Variants in ZNF536 observed in about 807,000 individuals in gnomAD.
The protein encoded by ZNF536 is zinc finger protein 536.
In ZNF536, 13 loss-of-function variants were observed where a neutral mutation model predicts 84.5. That is an observed-to-expected ratio of 0.15 (90% CI 0.10 to 0.24). The LOEUF is 0.24. Among genes scored for constraint, ZNF536 ranks in the 10% least tolerant of loss-of-function variants. The pLI, the probability that ZNF536 is intolerant of heterozygous loss-of-function variation, is 1.00. For synonymous variants in ZNF536, 811 were observed against 742.5 expected (o/e 1.09, Z -1.50); for missense variants, 1,536 against 1,747.5 (o/e 0.88, Z 2.16).
intron 1 of ZNF536, among the ~76,000 whole-genome samples, chr19:30,663,299 G>T (rs988190969): frequency 1.3e-5 from 2 of 152,088 alleles, no homozygotes; most frequent in African/African-American, 4.8e-5. Flanking sequence ...TCTTTGAACT[G>T]ACCATGAATA....
intron 1 of ZNF536, among the ~76,000 whole-genome samples, chr19:30,636,294 GA>G (rs1802429363): frequency 6.6e-6 from 1 of 152,196 alleles, no homozygotes; most frequent in African/African-American, 2.4e-5. Flanking sequence ...CCTATCTGCT[GA>G]TTCCAGGATG....
intron 1 of ZNF536, among the ~76,000 whole-genome samples, chr19:30,653,714 A>G (rs2049798595): frequency 6.6e-6 from 1 of 151,770 alleles, no homozygotes; most frequent in South Asian, 2.1e-4. Flanking sequence ...GTGATGGAAG[A>G]GAGGTGGGAG....
At chr19:30,640,114 G>A (rs2049214916) in intron 1 of ZNF536, among the ~76,000 whole-genome samples, 1 of 152,120 alleles carries the variant, frequency 6.6e-6, no homozygotes, top group Non-Finnish European at 1.5e-5. Flanking sequence ...GGGCGTGGTG[G>A]CACGTGCCTG....
intron 2 of ZNF536, among the ~76,000 whole-genome samples, chr19:30,285,387 G>T (rs1282162677): frequency 1.3e-5 from 2 of 152,158 alleles, no homozygotes; most frequent in African/African-American, 4.8e-5. Flanking sequence ...CCATCCCAGT[G>T]ATCTGTCAGA....
chr19:30,323,359 G>A (rs778480058), intron 2 of ZNF536, among the ~76,000 whole-genome samples: 13 of 152,174 alleles, frequency 8.5e-5, no homozygotes, highest in Non-Finnish European at 1.3e-4. Flanking sequence ...CCAGTCCAGC[G>A]ACATCTCCTA....
At chr19:30,272,997 C>T (rs1380367645) in intron 1 of ZNF536, among the ~76,000 whole-genome samples, 5 of 152,142 alleles carry the variant, frequency 3.3e-5, no homozygotes, top group South Asian at 2.1e-4. Context: ...ACTTCAGCCT[C>T]GACCTCCCAG....
At position 30,600,950 on chromosome 19, in the gene ZNF536, T is replaced by G. The variant is rs563590235; in HGVS notation, c.169+51436T>G. Among the ~76,000 whole-genome samples the G allele has an allele frequency of 4.6e-5, 7 of 152,342 alleles. No individual in the cohort carries two copies. The South Asian group carries it at 1.2e-3, about 27-fold the overall frequency. ...TTTTATTCGTTGTTTTTGTTGTTAA[T>G]TGAGCAACTACTTTCTGATTTTTAC... is the stretch of plus-strand genomic sequence containing the variant. On this transcript the variant is annotated intron_variant, in intron 1 of 1. Coordinates refer to the ZNF536 transcript ENST00000592773.
At chr19:30,366,217 G>A (rs1391041951) in intron 3 of ZNF536, among the ~76,000 whole-genome samples, 1 of 152,158 alleles carries the variant, frequency 6.6e-6, no homozygotes, top group Non-Finnish European at 1.5e-5. Context: ...CGGCTGCTGG[G>A]CAATGCTTTC....
At chr19:30,576,573 G>A (rs1041246510) in intron 1 of ZNF536, among the ~76,000 whole-genome samples, 3 of 152,172 alleles carry the variant, frequency 2.0e-5, no homozygotes, top group Admixed American at 6.5e-5. Flanking sequence ...CGCTAGTGGC[G>A]CTCATGTCTG....
chr19:30,329,002 C>T (rs2047124280), intron 2 of ZNF536, among the ~76,000 whole-genome samples: 1 of 152,232 alleles, frequency 6.6e-6, no homozygotes, highest in Non-Finnish European at 1.5e-5. Context: ...GAGAGGGATA[C>T]CCTCATGCAA....
At chr19:30,422,856 ACCATCCATCCATCCAT>A (rs756085321) in intron 1 of ZNF536, among the ~76,000 whole-genome samples, 2 of 119,442 alleles carry the variant, frequency 1.7e-5, no homozygotes, top group Non-Finnish European at 3.6e-5. Flanking sequence ...CATCCATCCA[ACCATCCATCCATCCAT>A]CCATCCATCC....
rs951081577 is a variant in ZNF536, at chr19:30,662,962, CTT to C, written c.170-47772_170-47771del. ...CTTTCTTTCTTTTTCTTTTTCGTTTCTTTTTTTTTTTTTTTTTTTTTTTTAAG... is the reference window on the plus strand; with the variant it reads ...CTTTCTTTCTTTTTCTTTTTCGTTTCTTTTTTTTTTTTTTTTTTTTTTAAG... On this transcript the variant is annotated intron_variant, in intron 1 of 1. Coordinates refer to the ZNF536 transcript ENST00000592773. Among the ~76,000 whole-genome samples, 32 of 78,754 alleles carry C rather than the reference CTT, an allele frequency of 4.1e-4. No homozygotes were observed. In the South Asian group the frequency reaches 5.4e-3, roughly 13 times the overall value. The allele number at this position is 78,754 out of a possible 152,430, so 51.7% of individuals were successfully genotyped here.
intron 2 of ZNF536, among the ~76,000 whole-genome samples, chr19:30,331,414 C>T (rs1298630358): frequency 1.3e-5 from 2 of 149,108 alleles, no homozygotes; most frequent in Non-Finnish European, 3.0e-5. Context: ...CTGCAGTGGT[C>T]ATGCTGATTC....
At chr19:30,695,020 C>CCA (rs2051597179) in intron 1 of ZNF536, among the ~76,000 whole-genome samples, 1 of 152,210 alleles carries the variant, frequency 6.6e-6, no homozygotes, top group Non-Finnish European at 1.5e-5. Flanking sequence ...ACACTCTCCA[C>CCA]CAACGTGGAG....
intron 2 of ZNF536, among the ~76,000 whole-genome samples, chr19:30,480,559 G>GA (rs1443647527): frequency 1.3e-5 from 2 of 152,036 alleles, no homozygotes; most frequent in Non-Finnish European, 2.9e-5. Context: ...GGGGTAGGGG[G>GA]CAAGGGGAGG....
At chr19:30,677,262 C>T (rs2050785458) in intron 1 of ZNF536, among the ~76,000 whole-genome samples, 1 of 152,214 alleles carries the variant, frequency 6.6e-6, no homozygotes, top group African/African-American at 2.4e-5. Context: ...TGATGGTTTT[C>T]TTGGTTACCT....
intron 1 of ZNF536, among the ~76,000 whole-genome samples, chr19:30,244,798 C>T (rs1218266675): frequency 2.0e-5 from 3 of 152,296 alleles, no homozygotes; most frequent in East Asian, 3.9e-4. Context: ...TGAGGAGTTG[C>T]AAGGAGGGCA....
chr19:30,257,685 T>C (rs942803277), intron 1 of ZNF536, among the ~76,000 whole-genome samples: 2 of 152,324 alleles, frequency 1.3e-5, no homozygotes, highest in African/African-American at 4.8e-5. Flanking sequence ...TACTGGGGCC[T>C]TGAATGCTGT....
chr19:30,242,726 C>T (rs1419172451), intron 1 of ZNF536, among the ~76,000 whole-genome samples: 3 of 152,168 alleles, frequency 2.0e-5, no homozygotes, highest in East Asian at 3.9e-4. Flanking sequence ...TTGTTGGTAT[C>T]GCCTGTAGGA....
Sources: allele counts gnomAD v4.1 joint callset (sites outside exome capture counted in the v4.1 genomes callset), GRCh38; gene constraint gnomAD v4.1.1; transcripts MANE v1.5; gene names NCBI Gene and HGNC (gene_info 2026-07-23, HGNC 2026-07-21).